The following SGCZ variants were observed in gnomAD, a reference collection of about 807,000 sequenced individuals.
SGCZ encodes sarcoglycan zeta.
A neutral mutation model predicts 41.3 loss-of-function variants in SGCZ; 40 were observed. That is an observed-to-expected ratio of 0.97 (90% CI 0.75 to 1.26). The LOEUF (loss-of-function observed/expected upper bound fraction) is 1.26. SGCZ is among the 50% of genes most tolerant of loss of function. The pLI, the probability that SGCZ is intolerant of heterozygous loss-of-function variation, is 0.00. For synonymous variants in SGCZ, 206 were observed against 137.5 expected (o/e 1.50, Z -3.49); for missense variants, 552 against 369.8 (o/e 1.49, Z -4.04).
chr8:14,125,290 T>G (rs1333976779), intron 5 of SGCZ, among the ~76,000 whole-genome samples: 1 of 151,680 alleles, frequency 6.6e-6, no homozygotes, highest in Non-Finnish European at 1.5e-5. Flanking sequence ...GTTCACAAGG[T>G]CAGGAGATCA....
chr8:15,041,657 A>C, intron 1 of SGCZ, among the ~76,000 whole-genome samples: 1 of 152,236 alleles, frequency 6.6e-6, no homozygotes, highest in East Asian at 1.9e-4. Context: ...CCTTAATAGA[A>C]AATAAGAACA....
At chr8:14,859,366 T>C (rs1031777479) in intron 1 of SGCZ, among the ~76,000 whole-genome samples, 4 of 152,028 alleles carry the variant, frequency 2.6e-5, no homozygotes, top group African/African-American at 9.7e-5. Flanking sequence ...TAATCTACCA[T>C]AACTTTTGTA....
intron 3 of SGCZ, among the ~76,000 whole-genome samples, chr8:14,266,805 A>T (rs1055158898): frequency 6.6e-6 from 1 of 152,116 alleles, no homozygotes; most frequent in Non-Finnish European, 1.5e-5. Context: ...AATTATGATG[A>T]AACTTCAGAA....
intron 4 of SGCZ, among the ~76,000 whole-genome samples, chr8:14,195,155 C>A (rs547803510): frequency 2.1e-4 from 32 of 152,098 alleles, no homozygotes; most frequent in African/African-American, 7.7e-4. Context: ...ACAGTATTTA[C>A]ACAAGTGTTC....
chr8:15,022,182 T>G (rs969908258), intron 1 of SGCZ, among the ~76,000 whole-genome samples: 1 of 152,152 alleles, frequency 6.6e-6, no homozygotes, highest in African/African-American at 2.4e-5. Flanking sequence ...TTACTGGAAT[T>G]TGTTTATTTA....
At chr8:14,433,167 T>C (rs1427583317) in intron 2 of SGCZ, among the ~76,000 whole-genome samples, 1 of 152,120 alleles carries the variant, frequency 6.6e-6, no homozygotes, top group East Asian at 1.9e-4. Context: ...GCAACAAAAA[T>C]ATTAACATTT....
intron 1 of SGCZ, among the ~76,000 whole-genome samples, chr8:14,846,637 A>G (rs2130640906): frequency 1.3e-5 from 2 of 151,612 alleles, no homozygotes; most frequent in South Asian, 4.2e-4. Context: ...TCCAGAAGAA[A>G]TAGAAAATCT....
At chr8:14,626,227 G>C (rs573180670) in intron 1 of SGCZ, among the ~76,000 whole-genome samples, 2 of 152,064 alleles carry the variant, frequency 1.3e-5, no homozygotes, top group East Asian at 3.9e-4. Flanking sequence ...GTGTGTCATG[G>C]TGGTTTGCAG....
In SGCZ at chr8:15,208,781, AGAT is replaced by A. The variant is rs58649378; in HGVS notation, c.39+28801_39+28803del. Among the ~76,000 whole-genome samples the A allele has an allele frequency of 7.5e-3, 1,148 of 152,180 alleles. 11 individuals carry two copies. The highest frequency in any genetic ancestry group is 0.025 in the African/African-American group (1,026 of 41,532). ...TGCCTCAGTTGGCTCACAAACTGCA[AGAT>A]GCTAATAATCCATATATATACAGGG... On this transcript the variant is annotated intron_variant, in intron 1 of 7. Coordinates refer to ENST00000382080, the MANE Select transcript of SGCZ (RefSeq NM_139167.4).
At chr8:14,499,403 TTTC>T (rs1184233162) in intron 2 of SGCZ, among the ~76,000 whole-genome samples, 2 of 152,074 alleles carry the variant, frequency 1.3e-5, no homozygotes, top group African/African-American at 4.8e-5. Flanking sequence ...CCTGTATTTC[TTTC>T]TTCATCTTTT....
At chr8:14,922,977 T>C (rs1052315398) in intron 1 of SGCZ, among the ~76,000 whole-genome samples, 2 of 152,234 alleles carry the variant, frequency 1.3e-5, no homozygotes, top group Admixed American at 1.3e-4. Flanking sequence ...ACTGCAGTAC[T>C]TTTATAATTG....
chr8:15,081,896 G>T (rs567558508), intron 1 of SGCZ, among the ~76,000 whole-genome samples: 9 of 152,282 alleles, frequency 5.9e-5, no homozygotes, highest in Non-Finnish European at 1.0e-4. Context: ...AAAGTTGAAC[G>T]AGGAAAAAAG....
chr8:14,894,763 CA>C (rs139513381), intron 1 of SGCZ, among the ~76,000 whole-genome samples: 6 of 151,582 alleles, frequency 4.0e-5, no homozygotes, highest in African/African-American at 9.7e-5. Flanking sequence ...TTATAAACTA[CA>C]AAAAAAAGTG....
At position 14,344,608 on chromosome 8, in the gene SGCZ, G is replaced by A. The variant is rs117550199; in HGVS notation, c.235-20404C>T. Reference sequence around the variant, plus strand: ...AAAGAGAAAGGGAAAAGGGGGGAACGAAAGGCTTAGAAAAGCAGAAATAAA... The same window carrying A: ...AAAGAGAAAGGGAAAAGGGGGGAACAAAAGGCTTAGAAAAGCAGAAATAAA... On this transcript the variant is annotated intron_variant, in intron 2 of 7. Transcript: ENST00000382080. 8.2e-4 allele frequency among the ~76,000 whole-genome samples: 125 copies of A among 152,186 alleles called. No homozygotes were observed. The Middle Eastern group carries it at 0.014, about 17-fold the overall frequency.
rs149884660 is a variant in SGCZ at position 14,560,290 on chromosome 8, G to A, written c.40-5364C>T. ...TGTCCTGATTTGATCATCCAACTTT[G>A]TATACAGATATCAAAATACTACATC... On this transcript the variant is annotated intron_variant, in intron 1 of 7. Transcript: ENST00000382080. Among the ~76,000 whole-genome samples the A allele has an allele frequency of 5.8e-3, 877 of 151,854 alleles. 12 individuals are homozygous for A. The highest frequency in any genetic ancestry group is 0.02 in the African/African-American group (822 of 41,436).
chr8:15,201,639 G>A (rs116897797), intron 1 of SGCZ, among the ~76,000 whole-genome samples: 2,064 of 152,282 alleles, frequency 0.014, 23 homozygotes, highest in Non-Finnish European at 0.021. Flanking sequence ...AATGGCTTGT[G>A]AAACTGCTCC....
intron 3 of SGCZ, among the ~76,000 whole-genome samples, chr8:14,247,087 G>A (rs1799123583): frequency 6.6e-6 from 1 of 152,082 alleles, no homozygotes; most frequent in Admixed American, 6.6e-5. Context: ...ATTTTAACTT[G>A]AATGTGAAGT....
At chr8:14,261,983 A>G (rs1283487228) in intron 3 of SGCZ, among the ~76,000 whole-genome samples, 2 of 152,184 alleles carry the variant, frequency 1.3e-5, no homozygotes, top group Admixed American at 6.5e-5. Flanking sequence ...TGATTAAATT[A>G]ATTTGACCAA....
chr8:14,562,067 T>A (rs1804222428), intron 1 of SGCZ, among the ~76,000 whole-genome samples: 1 of 152,108 alleles, frequency 6.6e-6, no homozygotes, highest in Non-Finnish European at 1.5e-5. Context: ...TCTGGTGACT[T>A]CTACTGATCT....
Sources: gnomAD v4.1 joint callset for allele counts (sites outside exome capture counted in the v4.1 genomes callset) on GRCh38, gnomAD v4.1.1 for gene constraint, MANE v1.5 for transcripts, NCBI Gene and HGNC (gene_info 2026-07-23, HGNC 2026-07-21) for gene names.